Variants in OPN4 observed in about 807,000 individuals in gnomAD.
The protein encoded by OPN4 is melanopsin.
A neutral mutation model predicts 49.5 loss-of-function variants in OPN4; 43 were observed. The observed-to-expected ratio is 0.87, with a 90% CI of 0.68 to 1.12. The LOEUF (loss-of-function observed/expected upper bound fraction) is 1.12. Among genes scored for constraint, OPN4 ranks in the 50% most tolerant of loss-of-function variants. The probability of loss-of-function intolerance (pLI) is 0.00; values close to 1 mark genes in which losing one functional copy is unlikely to be tolerated. For synonymous variants in OPN4, 263 were observed against 258.0 expected (o/e 1.02, Z -0.19); for missense variants, 657 against 643.9 (o/e 1.02, Z -0.22).
At chr10:86,655,090 C>T (rs1843834217) in intron 1 of OPN4, among the ~76,000 whole-genome samples, 163 bp downstream of exon 1, 1 of 152,250 alleles carries the variant, frequency 6.6e-6, no homozygotes, top group Admixed American at 6.5e-5. Context: ...CCCTGATAAA[C>T]AGGCTGATAG....
chr10:86,662,384 G>T lies in OPN4; in HGVS notation c.1206G>T (p.Trp402Cys). 1 of 1,574,894 alleles carries T rather than the reference G, an allele frequency of 6.3e-7. No homozygotes were observed. ...CCAGCCACACCTCCAACCTCAGCTG[G>T]ATCTCCATACGGAGGCGCCAGGAGT... is the stretch of plus-strand genomic sequence containing the variant. Reference protein sequence around the residue: ...TLTSHTSNLSWISIRRRQESL... With the variant: ...TLTSHTSNLSCISIRRRQESL... The change falls in exon 8 of 10, where the codon TGG becomes TGT. Residue 402 changes from tryptophan to cysteine, a missense_variant. Coordinates refer to ENST00000241891, the MANE Select transcript of OPN4 (RefSeq NM_033282.4).
Position 86,658,075 on chromosome 10 carries a change from C to T in OPN4, c.334C>T (p.Leu112Phe). 6.2e-7 allele frequency: 1 copy of T among 1,614,024 alleles called. No homozygotes were observed. The highest frequency in any genetic ancestry group is 8.5e-7 in the Non-Finnish European group (1 of 1,180,038). The change falls in exon 3 of 10, where the codon CTC becomes TTC. Residue 112 changes from leucine to phenylalanine, a missense_variant. Physicochemically the swap from Leu to Phe is conservative, Grantham distance 22. Transcript: ENST00000241891. Reference sequence around the variant, plus strand: ...ACCTGCCAACATGTTCATTATCAACCTCGCGGTCAGCGACTTCCTCATGTC... The same window carrying T: ...ACCTGCCAACATGTTCATTATCAACTTCGCGGTCAGCGACTTCCTCATGTC... ...RTPANMFIIN[L>F]AVSDFLMSFT...
chr10:86,660,434 C>T (rs1410479000), intron 6 of OPN4, among the ~76,000 whole-genome samples: 4 of 152,204 alleles, frequency 2.6e-5, no homozygotes, highest in African/African-American at 9.7e-5. Flanking sequence ...CCCTTCTAGC[C>T]CTTTGTGGCT....
At chr10:86,662,986 G>A (rs12220083) in intron 8 of OPN4, among the ~76,000 whole-genome samples, 1 of 152,350 alleles carries the variant, frequency 6.6e-6, no homozygotes, top group East Asian at 1.9e-4. Flanking sequence ...TCCTCTGAAA[G>A]GGAAAAGAGG....
In OPN4 at chr10:86,662,276, C is replaced by A; in HGVS notation, c.1098C>A (p.Pro366=). The change falls in exon 8 of 10, where the codon CCC becomes CCA. Residue 366 remains proline, a synonymous_variant. Transcript: ENST00000241891. ...GGGTGGCCATTGCCCAGCACCTGCC[C>A]TGCCTGGGGGTGCTGCTGGGTGTAT... ...KYRVAIAQHL[P]CLGVLLGVSR... is the part of the protein sequence containing the mutation. 6.2e-7 allele frequency: 1 copy of A among 1,609,890 alleles called. No individual in the cohort carries two copies. The highest frequency in any genetic ancestry group is 8.5e-7 in the Non-Finnish European group (1 of 1,179,504).
intron 8 of OPN4, among the ~76,000 whole-genome samples, chr10:86,663,047 C>T (rs1013648625): frequency 1.3e-5 from 2 of 152,142 alleles, no homozygotes; most frequent in Admixed American, 6.5e-5. Flanking sequence ...TGTCAACCTT[C>T]CTCGGGGCCA....
At chr10:86,655,395 T>G (rs1332587855) in intron 1 of OPN4, among the ~76,000 whole-genome samples, 1 of 152,146 alleles carries the variant, frequency 6.6e-6, no homozygotes, top group East Asian at 1.9e-4. Context: ...GAGGGCACCC[T>G]CAGGACCTGG....
At chr10:86,662,152 G>T (rs1020760562) in intron 7 of OPN4, 100 bp from the exon 8 acceptor site, 2 of 996,140 alleles carry the variant, frequency 2.0e-6, no homozygotes. Context: ...AGAGGCTCTC[G>T]GTCACCGCAC....
rs777881931 is a variant in OPN4, at chr10:86,659,989, C to A, written c.895C>A (p.Leu299Met). 2.5e-6 allele frequency: 4 copies of A among 1,614,110 alleles called. No individual in the cohort carries two copies. In the African/African-American group the frequency reaches 5.3e-5, roughly 22 times the overall value. ...QSECKMAKIM[L>M]LVILLFVLSW... ...CGAGTGCAAGATGGCCAAGATCATG[C>A]TGCTGGTCATCCTCCTCTTCGTGCT... The change falls in exon 6 of 10, where the codon CTG becomes ATG. Residue 299 changes from leucine (L) to methionine (M), a missense_variant. Coordinates refer to ENST00000241891, the MANE Select transcript of OPN4 (RefSeq NM_033282.4).
rs148654301 is a variant in OPN4, at chr10:86,666,228, C to G, written c.*477C>G. The G allele has an allele frequency of 1.5e-3, 285 of 194,360 alleles. 3 individuals are homozygous for G. Among genetic ancestry groups the G allele is most frequent in the African/African-American group, 5.7e-3 (244 of 42,926 alleles). 12.0% of individuals were successfully genotyped at this position (194,360 alleles called of 1,614,324 possible). A position where few individuals can be genotyped will look rare whatever the true frequency, so the allele number is the denominator to read the frequency against. On this transcript the variant is annotated 3_prime_UTR_variant, in exon 10 of 10. Coordinates refer to ENST00000241891, the MANE Select transcript of OPN4 (RefSeq NM_033282.4). The stretch of plus-strand genomic sequence containing the variant: ...CCCTTTGCACGCTGGAACAGTTACT[C>G]ACCTGTGGCTTCTTCCCCCAGTGTA...
In OPN4 at chr10:86,654,605, G is replaced by A. The variant is rs907384076; in HGVS notation, c.-179G>A. ...GCGCTTCACCAGACACAGAGCAACC[G>A]CCAGCCCCAAGAGCAGCTCCAGGCT... On this transcript the variant is annotated 5_prime_UTR_variant, in exon 1 of 10. Transcript: ENST00000241891. The A allele has an allele frequency of 6.4e-6, 5 of 780,232 alleles. No individual in the cohort carries two copies. The highest frequency in any genetic ancestry group is 1.0e-5 in the Non-Finnish European group (5 of 502,092). The allele number at this position is 780,232 out of a possible 1,614,324, so 48.3% of individuals were successfully genotyped here.
intron 8 of OPN4, 64 bp downstream of exon 8, chr10:86,662,496 T>C (rs182242809): frequency 1.4e-6 from 2 of 1,463,704 alleles, no homozygotes; most frequent in African/African-American, 1.4e-5. Flanking sequence ...GCCCTGGGGC[T>C]CTGGGGAATA....
At chr10:86,663,050 C>T (rs559847478) in intron 8 of OPN4, among the ~76,000 whole-genome samples, 31 of 152,296 alleles carry the variant, frequency 2.0e-4, no homozygotes, top group African/African-American at 4.1e-4. Context: ...CAACCTTCCT[C>T]GGGGCCAGGT....
chr10:86,658,261 C>T, intron 3 of OPN4, 96 bp downstream of exon 3: 1 of 1,511,722 alleles, frequency 6.6e-7, no homozygotes, highest in Non-Finnish European at 9.0e-7. Flanking sequence ...TGATTTGCTG[C>T]TTCTGGGCAG....
At chr10:86,660,636 G>A (rs540995737) in intron 6 of OPN4, among the ~76,000 whole-genome samples, 50 of 152,302 alleles carry the variant, frequency 3.3e-4, no homozygotes, top group African/African-American at 1.0e-3. Flanking sequence ...AGGGCATCAC[G>A]GTTGGGGTGG....
rs944510750 is a variant in OPN4, at chr10:86,662,526, G to A, written c.1254+94G>A. The A allele has an allele frequency of 1.6e-5, 20 of 1,258,008 alleles. No individual in the cohort carries two copies. The African/African-American group carries it at 1.8e-4, about 11-fold the overall frequency. 77.9% of individuals were successfully genotyped at this position (1,258,008 alleles called of 1,614,324 possible). A position where few individuals can be genotyped will look rare whatever the true frequency, so the allele number is the denominator to read the frequency against. On this transcript the variant is annotated intron_variant, in intron 8 of 9. Transcript: ENST00000241891. Reference sequence around the variant, plus strand: ...GGAATACATAGGCCCTGGCAGGGCTGCCTCTGAGACTCAGGGACACTGAGG... The same window carrying A: ...GGAATACATAGGCCCTGGCAGGGCTACCTCTGAGACTCAGGGACACTGAGG...
intron 1 of OPN4, among the ~76,000 whole-genome samples, chr10:86,655,659 C>T (rs1843845204): frequency 1.3e-5 from 2 of 152,214 alleles, no homozygotes; most frequent in Non-Finnish European, 1.5e-5. Context: ...CCCAGCTATG[C>T]TATTGGGCAA....
rs1843825937 is a variant in OPN4, at chr10:86,654,789, C to T, written c.6C>T (p.Asn2=). 1 of 1,611,694 alleles carries T rather than the reference C, an allele frequency of 6.2e-7. No individual in the cohort carries two copies. Residue 2 remains asparagine, a synonymous_variant, in exon 1 of 10, where the codon AAC becomes AAT. Coordinates refer to ENST00000241891, the MANE Select transcript of OPN4 (RefSeq NM_033282.4). The part of the protein sequence containing the change: M[N]PPSGPRVPPS... The stretch of plus-strand genomic sequence containing the variant: ...AAGGACCATCCCAACTCAGGATGAA[C>T]CCTCCTTCGGGGCCAAGAGTCCCGC...
chr10:86,654,897 C>T lies in OPN4; in HGVS notation c.114C>T (p.Ser38=). 1 of 1,614,028 alleles carries T rather than the reference C, an allele frequency of 6.2e-7. No individual in the cohort carries two copies. Among genetic ancestry groups the T allele is most frequent in the Non-Finnish European group, 8.5e-7 (1 of 1,180,022 alleles). ...ACAGCTCCCAGAGCAGCATCTCCAGCCTGGGCCGGCTTCCATCCATCAGTC... is the reference window on the plus strand; with the variant it reads ...ACAGCTCCCAGAGCAGCATCTCCAGTCTGGGCCGGCTTCCATCCATCAGTC... ...WWDSSQSSIS[S]LGRLPSISPT... Residue 38 remains serine (S), a synonymous_variant, in exon 1 of 10, where the codon AGC becomes AGT. Coordinates refer to ENST00000241891, the MANE Select transcript of OPN4 (RefSeq NM_033282.4).
Sources: gnomAD v4.1 joint callset for allele counts (sites outside exome capture counted in the v4.1 genomes callset) on GRCh38, gnomAD v4.1.1 for gene constraint, MANE v1.5 for transcripts, NCBI Gene and HGNC (gene_info 2026-07-23, HGNC 2026-07-21) for gene names.